Variants in FAM178B observed in about 807,000 individuals in gnomAD.
FAM178B encodes protein FAM178B.
Under a neutral mutation model 91.7 loss-of-function variants are expected in FAM178B, and 82 were observed. The ratio of observed to expected loss-of-function variants is 0.89; its 90% CI spans 0.75 to 1.07. The LOEUF (loss-of-function observed/expected upper bound fraction) is 1.07, where lower values mean the gene tolerates loss of function less well. FAM178B is among the 50% of genes least tolerant of loss of function. The pLI, the probability that FAM178B is intolerant of heterozygous loss-of-function variation, is 0.00. For missense variants in FAM178B, 769 were observed against 846.7 expected, an observed-to-expected ratio of 0.91 and a Z score of 1.14; for synonymous variants, 368 against 359.4, an observed-to-expected ratio of 1.02 and a Z score of -0.27.
intron 13 of FAM178B, chr2:96,898,232 G>T: frequency 1.6e-5 from 10 of 611,034 alleles, no homozygotes; most frequent in Non-Finnish European, 2.0e-5. Flanking sequence ...TGTGAACCGG[G>T]ACTAAAGCCC....
In FAM178B at chr2:96,894,526, C is replaced by A. The variant is rs139857959; in HGVS notation, c.1651-475G>T. On this transcript the variant is annotated intron_variant, in intron 13 of 16. Coordinates refer to ENST00000490605, the MANE Select transcript of FAM178B (RefSeq NM_001122646.3). ...CCCACCCACATACACACAGACCCCC[C>A]CACACATACCCACTCATATCCCCAG... Among the ~76,000 whole-genome samples, 484 of 119,442 alleles carry A rather than the reference C, an allele frequency of 4.1e-3. 11 individuals are homozygous for A. The highest frequency in any genetic ancestry group is 0.031 in the East Asian group (110 of 3,536). The allele number at this position is 119,442 out of a possible 152,430, so 78.4% of individuals were successfully genotyped here. A position where few individuals can be genotyped will look rare whatever the true frequency, so the allele number is the denominator to read the frequency against.
At chr2:96,957,589 T>G (rs1249621467) in intron 6 of FAM178B, among the ~76,000 whole-genome samples, 1 of 152,236 alleles carries the variant, frequency 6.6e-6, no homozygotes, top group Non-Finnish European at 1.5e-5. Flanking sequence ...CCATCTCATC[T>G]GTCAAACACT....
chr2:96,964,850 C>T (rs1271969217), intron 5 of FAM178B, among the ~76,000 whole-genome samples: 3 of 152,142 alleles, frequency 2.0e-5, no homozygotes, highest in Admixed American at 1.3e-4. Flanking sequence ...GGGCCAGCAG[C>T]CTGGCACCCA....
intron 12 of FAM178B, among the ~76,000 whole-genome samples, chr2:96,905,952 A>ACCTCTG (rs1002033841): frequency 7.2e-6 from 1 of 138,044 alleles, no homozygotes; most frequent in Non-Finnish European, 1.5e-5. Context: ...GCTCACCGCA[A>ACCTCTG]CCTCTGCCTC....
chr2:96,877,563 C>T (rs537826534), intron 16 of FAM178B, among the ~76,000 whole-genome samples: 6 of 152,328 alleles, frequency 3.9e-5, no homozygotes, highest in South Asian at 2.1e-4. Context: ...CCACCGCGCC[C>T]GGCTAATTTT....
intron 8 of FAM178B, among the ~76,000 whole-genome samples, chr2:96,936,890 C>T (rs2081641909): frequency 6.6e-6 from 1 of 152,012 alleles, no homozygotes. Context: ...GCAGACCCGG[C>T]ACTGGAAGGG....
rs192855077 is a variant in FAM178B at position 96,929,740 on chromosome 2, C to T, written c.1079-420G>A. On this transcript the variant is annotated intron_variant, in intron 8 of 16. Transcript: ENST00000490605. ...GCTGCAAAGCACCGAGGCTGACACT[C>T]AGCCCACTGCAGCCTCTGCAGCACT... 5.7e-3 allele frequency among the ~76,000 whole-genome samples: 865 copies of T among 152,376 alleles called. 1 individual carries two copies. The highest frequency in any genetic ancestry group is 8.8e-3 in the Admixed American group (134 of 15,312).
chr2:96,923,457 A>G lies in FAM178B; in HGVS notation c.1287+33T>C, dbSNP rs773933959. 1.8e-5 allele frequency: 27 copies of G among 1,491,644 alleles called. 2 individuals carry two copies. The South Asian group carries it at 3.3e-4, about 18-fold the overall frequency. 92.4% of individuals were successfully genotyped at this position (1,491,644 alleles called of 1,614,324 possible). Reference sequence around the variant, plus strand: ...GAATGGGTCTGAACTGTAAGCCGAGAGTGCCCTGCATGAGGCAGGCGGCTT... The same window carrying G: ...GAATGGGTCTGAACTGTAAGCCGAGGGTGCCCTGCATGAGGCAGGCGGCTT... On this transcript the variant is annotated intron_variant, in intron 10 of 16. Coordinates refer to ENST00000490605, the MANE Select transcript of FAM178B (RefSeq NM_001122646.3).
intron 13 of FAM178B, 62 bp downstream of exon 13, chr2:96,902,558 G>C (rs1405375060): frequency 2.5e-6 from 3 of 1,184,258 alleles, no homozygotes; most frequent in Non-Finnish European, 3.7e-6. Context: ...CTGGCCTTTG[G>C]GGAAAGCCTC....
intron 8 of FAM178B, among the ~76,000 whole-genome samples, chr2:96,933,893 C>T (rs1200424419): frequency 2.0e-5 from 3 of 152,206 alleles, no homozygotes; most frequent in African/African-American, 7.2e-5. Context: ...AACTGGAGTG[C>T]GGGGCTCACA....
At chr2:96,926,159 C>G (rs1268376843) in intron 9 of FAM178B, among the ~76,000 whole-genome samples, 3 of 152,124 alleles carry the variant, frequency 2.0e-5, no homozygotes, top group African/African-American at 7.2e-5. Context: ...CAAAAATTAG[C>G]AAGCATTGTA....
At chr2:96,976,112 TGA>T (rs1178082878) in intron 1 of FAM178B, among the ~76,000 whole-genome samples, 2 of 151,182 alleles carry the variant, frequency 1.3e-5, no homozygotes, top group East Asian at 1.9e-4. Context: ...TTTTTTTTTT[TGA>T]GAGAGAGTGT....
At position 96,967,451 on chromosome 2, in the gene FAM178B, C is replaced by T. The variant is rs1453811495; in HGVS notation, c.734+69G>A. The T allele has an allele frequency of 4.5e-5, 45 of 995,242 alleles. No individual in the cohort carries two copies. In the East Asian group the frequency reaches 1.1e-3, roughly 25 times the overall value. The allele number at this position is 995,242 out of a possible 1,614,324, so 61.7% of individuals were successfully genotyped here. A position where few individuals can be genotyped will look rare whatever the true frequency, so the allele number is the denominator to read the frequency against. ...GTACCATGTTGGTCAAAACTCTGTCCAAAACCAGAGGGGGTTGGCACCTCA... is the reference window on the plus strand; with the variant it reads ...GTACCATGTTGGTCAAAACTCTGTCTAAAACCAGAGGGGGTTGGCACCTCA... On this transcript the variant is annotated intron_variant, in intron 5 of 16. Coordinates refer to ENST00000490605, the MANE Select transcript of FAM178B (RefSeq NM_001122646.3).
chr2:96,937,044 G>A (rs981862587), intron 8 of FAM178B, among the ~76,000 whole-genome samples: 3 of 124,032 alleles, frequency 2.4e-5, no homozygotes, highest in African/African-American at 4.3e-5. Flanking sequence ...ACACCACAAT[G>A]CCCAGGTTTT....
At chr2:96,890,067 T>G (rs10169387) in intron 14 of FAM178B, among the ~76,000 whole-genome samples, 1 of 151,436 alleles carries the variant, frequency 6.6e-6, no homozygotes, top group African/African-American at 2.4e-5. Context: ...CCTGAGGTCA[T>G]GAGTTCGAGA....
chr2:96,904,830 C>G (rs1287795699), intron 12 of FAM178B, among the ~76,000 whole-genome samples: 1 of 152,102 alleles, frequency 6.6e-6, no homozygotes, highest in Non-Finnish European at 1.5e-5. Flanking sequence ...TTGGGCAACA[C>G]AGCAAGACCC....
intron 4 of FAM178B, among the ~76,000 whole-genome samples, chr2:96,969,033 T>C (rs1457946241): frequency 2.6e-5 from 4 of 152,190 alleles, no homozygotes; most frequent in Admixed American, 2.0e-4. Context: ...CAAGGATACA[T>C]CTGGGAGCCT....
rs1364858773 is a variant in FAM178B, at chr2:96,972,050, C to A, written c.415G>T (p.Gly139Cys). 1.3e-6 allele frequency: 2 copies of A among 1,549,284 alleles called. No individual in the cohort carries two copies. The highest frequency in any genetic ancestry group is 2.7e-5 in the African/African-American group (2 of 73,038). Residue 139 changes from glycine (G) to cysteine (C), a missense_variant, in exon 3 of 17, where the codon GGC becomes TGC. Gly to Cys is a radical substitution (Grantham distance 159). Transcript: ENST00000490605. ...GCCAGTCTCCTCAGGCCCTGGGGGCCCACCACACCCACCCACCTCTGGGCC... is the reference window on the plus strand; with the variant it reads ...GCCAGTCTCCTCAGGCCCTGGGGGCACACCACACCCACCCACCTCTGGGCC... ...APAQRWVGVV[G>C]PQGLRRLAGE...
At chr2:96,924,226 G>A (rs1026028781) in intron 9 of FAM178B, among the ~76,000 whole-genome samples, 8 of 152,190 alleles carry the variant, frequency 5.3e-5, no homozygotes, top group South Asian at 2.1e-4. Context: ...CCCAAAGTCC[G>A]TGAGTTCTCC....
Sources: allele counts gnomAD v4.1 joint callset (sites outside exome capture counted in the v4.1 genomes callset), GRCh38; gene constraint gnomAD v4.1.1; transcripts MANE v1.5; gene names NCBI Gene and HGNC (gene_info 2026-07-23, HGNC 2026-07-21).